The following DAB1 variants were observed in gnomAD, a reference collection of about 807,000 sequenced individuals.
DAB1 encodes the protein disabled homolog 1.
Under a neutral mutation model 64.6 loss-of-function variants are expected in DAB1, and 15 were observed. The observed-to-expected ratio is 0.23, with a 90% CI of 0.16 to 0.36. DAB1 has a LOEUF of 0.36. Ranked by LOEUF, DAB1 falls within the 10% of genes least tolerant of loss-of-function variation. DAB1 has a pLI of 1.00. For missense variants in DAB1, 596 were observed against 706.7 expected (o/e 0.84, Z 1.78); for synonymous variants, 235 against 251.9 (o/e 0.93, Z 0.64).
chr1:58,382,900 T>C (rs996812858), intron 3 of DAB1, among the ~76,000 whole-genome samples: 1 of 152,130 alleles, frequency 6.6e-6, no homozygotes, highest in African/African-American at 2.4e-5. Flanking sequence ...GTCACCTGAG[T>C]GATCACACTC....
At chr1:57,071,690 G>A (rs780741428) in intron 5 of DAB1, 49 bp from the exon 6 acceptor site, 14 of 1,566,018 alleles carry the variant, frequency 8.9e-6, no homozygotes, top group East Asian at 2.3e-5. Context: ...GTACTGAGAC[G>A]CAGCAACAAA....
chr1:58,319,236 G>C (rs1182743279), intron 4 of DAB1, among the ~76,000 whole-genome samples: 1 of 152,040 alleles, frequency 6.6e-6, no homozygotes, highest in Non-Finnish European at 1.5e-5. Context: ...ATTTGCAAAG[G>C]CTCCACATTG....
At chr1:57,519,371 G>A (rs1244927010) in intron 7 of DAB1, among the ~76,000 whole-genome samples, 1 of 152,158 alleles carries the variant, frequency 6.6e-6, no homozygotes, top group African/African-American at 2.4e-5. Context: ...ACCACCTCTC[G>A]CCACTGCCAC....
intron 8 of DAB1, among the ~76,000 whole-genome samples, chr1:57,068,785 G>T (rs1001818164): frequency 1.3e-5 from 2 of 152,158 alleles, no homozygotes. Context: ...AAGCTACTCG[G>T]CTTCTCTCTC....
rs1557427730 is a variant in DAB1, at chr1:57,695,356, A to AAAGGAAG, written n.552-45692_552-45691insCTTCCTT. Among the ~76,000 whole-genome samples, 62 of 25,146 alleles carry AAAGGAAG rather than the reference A, an allele frequency of 2.5e-3. 1 individual carries two copies. The highest frequency in any genetic ancestry group is 6.4e-3 in the African/African-American group (59 of 9,236). 16.5% of individuals were successfully genotyped at this position (25,146 alleles called of 152,430 possible). ...AGAAAGAAAGAAAGAAAGAAAGAAA[A>AAAGGAAG]GAAAGAAGAAAGAAAGAAAGAAAGA... On this transcript the variant is annotated intron_variant and non_coding_transcript_variant, in intron 6 of 20. Coordinates refer to the DAB1 transcript ENST00000485760.
At chr1:58,329,396 G>C (rs900490429) in intron 4 of DAB1, among the ~76,000 whole-genome samples, 1 of 152,082 alleles carries the variant, frequency 6.6e-6, no homozygotes, top group Admixed American at 6.5e-5. Flanking sequence ...ATTTTATTGT[G>C]TAAATAGTTC....
intron 4 of DAB1, among the ~76,000 whole-genome samples, chr1:58,185,820 C>T (rs1337275950): frequency 6.6e-6 from 1 of 152,036 alleles, no homozygotes; most frequent in Non-Finnish European, 1.5e-5. Context: ...GTGGTACTGC[C>T]CTCTACAATC....
chr1:57,255,056 A>G (rs1669660470), intron 2 of DAB1, among the ~76,000 whole-genome samples: 1 of 152,196 alleles, frequency 6.6e-6, no homozygotes, highest in African/African-American at 2.4e-5. Context: ...TGCCTGACAA[A>G]TAGTAGGTGC....
intron 2 of DAB1, among the ~76,000 whole-genome samples, chr1:58,510,852 T>G: frequency 6.6e-6 from 1 of 151,960 alleles, no homozygotes; most frequent in East Asian, 1.9e-4. Flanking sequence ...AACAGGAAAT[T>G]AAGAAACAAT....
At chr1:57,551,776 C>T in intron 7 of DAB1, among the ~76,000 whole-genome samples, 1 of 152,136 alleles carries the variant, frequency 6.6e-6, no homozygotes, top group South Asian at 2.1e-4. Context: ...TGGGAAGAAA[C>T]ACCATTTTCT....
chr1:58,389,622 C>T (rs1644460603), intron 3 of DAB1, among the ~76,000 whole-genome samples: 1 of 152,216 alleles, frequency 6.6e-6, no homozygotes, highest in Admixed American at 6.5e-5. Context: ...TAATTTTCTC[C>T]TCATTGGGTC....
At chr1:57,916,661 G>C (rs2102016594) in intron 5 of DAB1, among the ~76,000 whole-genome samples, 1 of 152,358 alleles carries the variant, frequency 6.6e-6, no homozygotes, top group East Asian at 1.9e-4. Context: ...AAGTAGGCCA[G>C]GCGTGGTGGC....
intron 6 of DAB1, among the ~76,000 whole-genome samples, chr1:57,727,366 G>A (rs1369251561): frequency 6.6e-6 from 1 of 152,216 alleles, no homozygotes; most frequent in Non-Finnish European, 1.5e-5. Flanking sequence ...GCACCCACAG[G>A]AATAGCAGTC....
At chr1:58,374,170 G>A (rs1644300186) in intron 3 of DAB1, among the ~76,000 whole-genome samples, 1 of 117,926 alleles carries the variant, frequency 8.5e-6, no homozygotes, top group Non-Finnish European at 1.8e-5. Context: ...CTGTGCAGAA[G>A]CTCTTTAGTT....
intron 6 of DAB1, among the ~76,000 whole-genome samples, chr1:57,659,695 G>A (rs535926619): frequency 1.3e-5 from 2 of 152,284 alleles, no homozygotes; most frequent in Non-Finnish European, 2.9e-5. Context: ...AAAGATGGGG[G>A]CTGGGTGTGG....
chr1:57,573,414 C>T (rs1360367432), intron 7 of DAB1, among the ~76,000 whole-genome samples: 1 of 152,116 alleles, frequency 6.6e-6, no homozygotes, highest in Non-Finnish European at 1.5e-5. Context: ...ATTATTATTA[C>T]TGAATGTACT....
intron 3 of DAB1, among the ~76,000 whole-genome samples, chr1:58,389,617 T>A (rs549420816): frequency 6.6e-6 from 1 of 152,352 alleles, no homozygotes; most frequent in South Asian, 2.1e-4. Context: ...AGGCTTAATT[T>A]TCTCCTCATT....
chr1:57,525,527 C>T (rs1251804932), intron 7 of DAB1, among the ~76,000 whole-genome samples: 1 of 151,988 alleles, frequency 6.6e-6, no homozygotes. Context: ...CAAACTGGGG[C>T]TCTAAGGTAA....
At chr1:58,115,918 G>T (rs1372819840) in intron 5 of DAB1, among the ~76,000 whole-genome samples, 1 of 137,972 alleles carries the variant, frequency 7.2e-6, no homozygotes, top group Non-Finnish European at 1.5e-5. Context: ...CAGCGCACCA[G>T]CATGGCACAT....
Sources: gnomAD v4.1 joint callset for allele counts (sites outside exome capture counted in the v4.1 genomes callset) on GRCh38, gnomAD v4.1.1 for gene constraint, MANE v1.5 for transcripts, NCBI Gene and HGNC (gene_info 2026-07-23, HGNC 2026-07-21) for gene names.